SPTBN4: variants seen among roughly 807,000 people sequenced by gnomAD.
The protein encoded by SPTBN4 is spectrin beta, non-erythrocytic 4.
Under a neutral mutation model 277.8 loss-of-function variants are expected in SPTBN4, and 96 were observed. That is an observed-to-expected ratio of 0.35 (90% CI 0.29 to 0.41). The LOEUF is 0.41. SPTBN4 is among the 10% of genes least tolerant of loss of function. The pLI, the probability that SPTBN4 is intolerant of heterozygous loss-of-function variation, is 1.00. For synonymous variants in SPTBN4, 1,481 were observed against 1,580.3 expected, an observed-to-expected ratio of 0.94 and a Z score of 1.49; for missense variants, 3,006 against 3,595.7, an observed-to-expected ratio of 0.84 and a Z score of 4.19.
chr19:40,487,880 C>A, intron 3 of SPTBN4, 32 bp downstream of exon 3: 2 of 1,561,842 alleles, frequency 1.3e-6, no homozygotes, highest in Non-Finnish European at 1.7e-6. Context: ...GGGCAGGGGT[C>A]CTCCCTGGGG....
At chr19:40,528,055 C>CAAA (rs751179742) in intron 17 of SPTBN4, among the ~76,000 whole-genome samples, 4 of 33,642 alleles carry the variant, frequency 1.2e-4, no homozygotes, top group African/African-American at 4.1e-4. Context: ...GACTCCATCT[C>CAAA]AAAAAAAAAA....
chr19:40,566,535 C>T (rs183751602), intron 30 of SPTBN4, among the ~76,000 whole-genome samples, 176 bp downstream of exon 30: 2 of 151,544 alleles, frequency 1.3e-5, no homozygotes, highest in Admixed American at 6.6e-5. Flanking sequence ...TCACCAGTGA[C>T]AGCCCAGAAT....
In SPTBN4 at chr19:40,467,088, G is replaced by A. The variant is rs2079831926; in HGVS notation, c.-233G>A. 1 of 150,212 alleles carries A rather than the reference G, an allele frequency of 6.7e-6. No individual in the cohort carries two copies. Among genetic ancestry groups the A allele is most frequent in the South Asian group, 1.8e-4 (1 of 5,672 alleles). 9.3% of individuals were successfully genotyped at this position (150,212 alleles called of 1,614,324 possible). A position where few individuals can be genotyped will look rare whatever the true frequency, so the allele number is the denominator to read the frequency against. ...CCTCGGGCGGCGGGGCGCGGGGACC[G>A]CGGGCGGGAGGGGGTCCCGGGGGCG... On this transcript the variant is annotated 5_prime_UTR_variant, in exon 1 of 36. Coordinates refer to ENST00000598249, the MANE Select transcript of SPTBN4 (RefSeq NM_020971.3).
At chr19:40,528,998 C>T (rs780755021) in intron 17 of SPTBN4, 43 bp from the exon 18 acceptor site, 4 of 1,557,704 alleles carry the variant, frequency 2.6e-6, no homozygotes, top group Admixed American at 3.3e-5. Flanking sequence ...GCCGCACCCC[C>T]CAACCCGGGG....
intron 12 of SPTBN4, among the ~76,000 whole-genome samples, chr19:40,504,542 G>A (rs1423132722): frequency 3.3e-5 from 5 of 151,796 alleles, no homozygotes; most frequent in Admixed American, 6.6e-5. Context: ...AGTGGCGGGC[G>A]CCTGTAGTCC....
chr19:40,505,512 C>T lies in SPTBN4; in HGVS notation c.1666-724C>T, dbSNP rs189001487. Among the ~76,000 whole-genome samples the T allele has an allele frequency of 2.7e-4, 41 of 151,662 alleles. 1 individual carries two copies. The East Asian group carries it at 7.4e-3, about 27-fold the overall frequency. ...TTCAAGACCAGCCTGGCCAACATGGCGAAACCCCATCTCTACTAAAAAATA... is the reference window on the plus strand; with the variant it reads ...TTCAAGACCAGCCTGGCCAACATGGTGAAACCCCATCTCTACTAAAAAATA... On this transcript the variant is annotated intron_variant, in intron 12 of 35. Coordinates refer to ENST00000598249, the MANE Select transcript of SPTBN4 (RefSeq NM_020971.3).
rs1416534750 is a variant in SPTBN4 at position 40,550,096 on chromosome 19, C to A, written c.4585-142C>A. 3.3e-4 allele frequency: 185 copies of A among 553,526 alleles called. 1 individual carries two copies. The highest frequency in any genetic ancestry group is 1.1e-3 in the African/African-American group (59 of 51,482). 34.3% of individuals were successfully genotyped at this position (553,526 alleles called of 1,614,324 possible). A position where few individuals can be genotyped will look rare whatever the true frequency, so the allele number is the denominator to read the frequency against. The stretch of plus-strand genomic sequence containing the variant: ...TCCCATCTCAAAGAAAAAAAAAAAA[C>A]AAAAAATGGAGGAGGCTGAATATTC... On this transcript the variant is annotated intron_variant, in intron 21 of 35. Transcript: ENST00000598249.
In SPTBN4 at chr19:40,560,792, T is replaced by C; in HGVS notation, c.5915+389T>C. ...TCATTAGTGGGCATGGGCTTATTGC[T>C]CACATAGTGGTTGGATGTGAGTGTC... On this transcript the variant is annotated intron_variant, in intron 27 of 35. Coordinates refer to ENST00000598249, the MANE Select transcript of SPTBN4 (RefSeq NM_020971.3). The surrounding 1 kb of genome is among the most constrained non-coding windows in gnomAD (Gnocchi z 5.2). 1 of 1,163,100 alleles carries C rather than the reference T, an allele frequency of 8.6e-7. No homozygotes were observed. Among genetic ancestry groups the C allele is most frequent in the Non-Finnish European group, 1.1e-6 (1 of 927,174 alleles). The allele number at this position is 1,163,100 out of a possible 1,614,324, so 72.0% of individuals were successfully genotyped here. A position where few individuals can be genotyped will look rare whatever the true frequency, so the allele number is the denominator to read the frequency against.
At chr19:40,529,948 G>A (rs1210447336) in intron 18 of SPTBN4, among the ~76,000 whole-genome samples, 3 of 151,786 alleles carry the variant, frequency 2.0e-5, no homozygotes, top group Non-Finnish European at 4.4e-5. Flanking sequence ...CCCCTATGTT[G>A]AACACCCATG....
intron 18 of SPTBN4, chr19:40,530,684 G>A (rs1217174437): frequency 1.6e-6 from 1 of 620,002 alleles, no homozygotes; most frequent in Non-Finnish European, 2.0e-6. Context: ...TCGTGGCCGC[G>A]GGAGGGAGGG....
Position 40,532,718 on chromosome 19 carries a change from G to A in SPTBN4, c.4042G>A (p.Ala1348Thr), listed in dbSNP as rs1368923102. Reference sequence around the variant, plus strand: ...GCATAAGAGATGGCTCCGGCACCAGGCATTCATGGCCGAGCTGGCTCAGAA... The same window carrying A: ...GCATAAGAGATGGCTCCGGCACCAGACATTCATGGCCGAGCTGGCTCAGAA... The part of the protein sequence containing the change: ...KLHKRWLRHQ[A>T]FMAELAQNKE... The change falls in exon 19 of 36, where the codon GCA becomes ACA. Residue 1348 changes from alanine (A) to threonine (T), a missense_variant. Around this residue, in one of 5 missense-constraint regions of SPTBN4, gnomAD observed 1,759 missense variants for 2,061.5 expected, o/e 0.85. Coordinates refer to ENST00000598249, the MANE Select transcript of SPTBN4 (RefSeq NM_020971.3). 3 of 1,613,418 alleles carry A rather than the reference G, an allele frequency of 1.9e-6. No individual in the cohort carries two copies. Among genetic ancestry groups the A allele is most frequent in the East Asian group, 2.2e-5 (1 of 44,854 alleles).
At chr19:40,540,808 C>T (rs2080791644) in intron 20 of SPTBN4, among the ~76,000 whole-genome samples, 1 of 104,072 alleles carries the variant, frequency 9.6e-6, no homozygotes, top group South Asian at 3.0e-4. Context: ...AGTGAGACCC[C>T]CATCTCAAAA....
intron 20 of SPTBN4, among the ~76,000 whole-genome samples, chr19:40,537,776 A>T (rs1004746347): frequency 1.3e-5 from 2 of 151,856 alleles, no homozygotes; most frequent in African/African-American, 2.4e-5. Flanking sequence ...TCATCAGTGC[A>T]GGTCTCCCAG....
In SPTBN4 at chr19:40,537,861, G is replaced by A. The variant is rs116323123; in HGVS notation, c.4359+3518G>A. ...GATGTGGTAAGCCTGCAAGAAAGGG[G>A]CATCTGACTGTCAGGGTCCCAGCCA... On this transcript the variant is annotated intron_variant, in intron 20 of 35. Coordinates refer to ENST00000598249, the MANE Select transcript of SPTBN4 (RefSeq NM_020971.3). Among the ~76,000 whole-genome samples the A allele has an allele frequency of 2.3e-3, 356 of 152,310 alleles. 2 individuals are homozygous for A. Among genetic ancestry groups the A allele is most frequent in the African/African-American group, 8.4e-3 (348 of 41,568 alleles).
chr19:40,565,876 G>C, intron 29 of SPTBN4, 131 bp downstream of exon 29: 1 of 1,046,802 alleles, frequency 9.6e-7, no homozygotes, highest in South Asian at 1.7e-5. Context: ...AAACATAAGG[G>C]CCTGGAAGGG....
chr19:40,520,179 G>T, intron 16 of SPTBN4, 28 bp downstream of exon 16: 1 of 1,369,042 alleles, frequency 7.3e-7, no homozygotes, highest in South Asian at 1.9e-5. Flanking sequence ...ACATTTCGGA[G>T]AGGGAGAGTC....
intron 3 of SPTBN4, among the ~76,000 whole-genome samples, chr19:40,488,282 G>A (rs1407914922): frequency 6.6e-6 from 1 of 152,030 alleles, no homozygotes; most frequent in Admixed American, 6.6e-5. Context: ...GGGGCTCTAG[G>A]CTAGGGGGCA....
chr19:40,499,477 C>T (rs1232526028), intron 7 of SPTBN4, among the ~76,000 whole-genome samples: 1 of 152,052 alleles, frequency 6.6e-6, no homozygotes, highest in Non-Finnish European at 1.5e-5. Flanking sequence ...ACAGCTTCAA[C>T]CTCCTGTGCT....
Position 40,513,180 on chromosome 19 carries a change from C to T in SPTBN4, c.2391C>T (p.Ala797=). 1.3e-6 allele frequency: 2 copies of T among 1,502,572 alleles called. No homozygotes were observed. The highest frequency in any genetic ancestry group is 1.2e-5 in the South Asian group (1 of 80,540). The allele number at this position is 1,502,572 out of a possible 1,614,324, so 93.1% of individuals were successfully genotyped here. A position where few individuals can be genotyped will look rare whatever the true frequency, so the allele number is the denominator to read the frequency against. The change falls in exon 14 of 36, where the codon GCC becomes GCT. Residue 797 remains alanine (A), a synonymous_variant. Transcript: ENST00000598249. Reference sequence around the variant, plus strand: ...TTCGCGACGCTTACCGCCTGGCAGCCGCCGGTGACTTCGGCCACGACGAAG... The same window carrying T: ...TTCGCGACGCTTACCGCCTGGCAGCTGCCGGTGACTTCGGCCACGACGAAG... ...DWLRDAYRLA[A]AGDFGHDEAS... is the part of the protein sequence containing the mutation.
Sources: allele counts gnomAD v4.1 joint callset (sites outside exome capture counted in the v4.1 genomes callset), GRCh38; gene constraint gnomAD v4.1.1; regional missense constraint gnomAD v4.1.1; non-coding constraint Gnocchi (gnomAD v3.1); transcripts MANE v1.5; gene names NCBI Gene and HGNC (gene_info 2026-07-23, HGNC 2026-07-21).